The following LBP variants were observed in gnomAD, a reference collection of about 807,000 sequenced individuals.
LBP encodes lipopolysaccharide binding protein.
LBP carries 53 observed loss-of-function variants against 56.6 expected under a neutral mutation model. The observed-to-expected ratio is 0.94, with a 90% CI of 0.75 to 1.18. The LOEUF (loss-of-function observed/expected upper bound fraction) is 1.18, where lower values mean the gene tolerates loss of function less well. LBP is among the 50% of genes most tolerant of loss of function. The probability of loss-of-function intolerance (pLI) is 0.00; values close to 1 mark genes in which losing one functional copy is unlikely to be tolerated. For missense variants in LBP, 601 were observed against 598.3 expected (o/e 1.00, Z -0.05); for synonymous variants, 227 against 247.5 (o/e 0.92, Z 0.78).
intron 6 of LBP, among the ~76,000 whole-genome samples, chr20:38,361,548 G>T (rs1447326187): frequency 2.6e-5 from 4 of 151,786 alleles, no homozygotes. Context: ...GGGACTACAG[G>T]TGCATGCCAC....
At chr20:38,374,968 T>G (rs1283307545) in intron 14 of LBP, among the ~76,000 whole-genome samples, 2 of 128,798 alleles carry the variant, frequency 1.6e-5, no homozygotes, top group African/African-American at 5.9e-5. Flanking sequence ...TTTTTTTTTT[T>G]GTATTTTTGG....
chr20:38,369,266 G>T, intron 10 of LBP, 104 bp downstream of exon 10: 1 of 1,154,882 alleles, frequency 8.7e-7, no homozygotes, highest in Non-Finnish European at 1.2e-6. Context: ...AATTCCTCCA[G>T]GTCTCAACTT....
rs1158643744 is a variant in LBP at position 38,371,289 on chromosome 20, G to A, written c.1227G>A (p.Val409=). 1 of 1,610,876 alleles carries A rather than the reference G, an allele frequency of 6.2e-7. No individual in the cohort carries two copies. Among genetic ancestry groups the A allele is most frequent in the South Asian group, 1.1e-5 (1 of 90,820 alleles). Residue 409 remains valine (V), a synonymous_variant, in exon 12 of 15, where the codon GTG becomes GTA. Coordinates refer to ENST00000217407, the MANE Select transcript of LBP (RefSeq NM_004139.5). ...TGFLKPGKVK[V]ELKESKVGLF... The stretch of plus-strand genomic sequence containing the variant: ...CTCTGATTCATTACAGGGTAAAAGT[G>A]GAACTGAAAGAATCCAAAGTTGGAC...
intron 5 of LBP, among the ~76,000 whole-genome samples, chr20:38,357,249 C>T (rs748395084): frequency 2.6e-5 from 4 of 152,174 alleles, no homozygotes; most frequent in Non-Finnish European, 4.4e-5. Flanking sequence ...CCCAGTGTCA[C>T]CTTGCTGGTG....
intron 5 of LBP, among the ~76,000 whole-genome samples, chr20:38,359,452 C>T (rs928858105): frequency 6.6e-6 from 1 of 152,046 alleles, no homozygotes; most frequent in East Asian, 1.9e-4. Context: ...TGTGGTGGCA[C>T]ATGCCTGTAA....
At chr20:38,348,696 C>T (rs2076809394) in intron 1 of LBP, among the ~76,000 whole-genome samples, 1 of 152,150 alleles carries the variant, frequency 6.6e-6, no homozygotes, top group South Asian at 2.1e-4. Flanking sequence ...TGCTTGTTAT[C>T]CTCACAGCCC....
At chr20:38,362,972 C>T (rs190956843) in intron 6 of LBP, among the ~76,000 whole-genome samples, 3 of 152,208 alleles carry the variant, frequency 2.0e-5, no homozygotes, top group Admixed American at 2.0e-4. Context: ...TAAAATAAAA[C>T]ATGAGGTCCA....
intron 10 of LBP, among the ~76,000 whole-genome samples, chr20:38,369,894 G>A (rs1435876257): frequency 2.0e-5 from 3 of 152,134 alleles, no homozygotes; most frequent in Non-Finnish European, 4.4e-5. Context: ...GTCTAATAGG[G>A]AAGGGATGTT....
chr20:38,374,950 ATT>A (rs370110558), intron 14 of LBP, among the ~76,000 whole-genome samples: 1,376 of 127,118 alleles, frequency 0.011, 7 homozygotes, highest in Middle Eastern at 0.023. Context: ...CTCCCAGCTA[ATT>A]TTTTTTTTTT....
chr20:38,373,015 C>G, intron 12 of LBP, 57 bp from the exon 13 acceptor site: 2 of 1,482,252 alleles, frequency 1.3e-6, no homozygotes, highest in Non-Finnish European at 9.4e-7. Flanking sequence ...TTGGCACACA[C>G]AGAACCACCA....
At chr20:38,353,237 C>A (rs185156789) in intron 3 of LBP, among the ~76,000 whole-genome samples, 2 of 152,226 alleles carry the variant, frequency 1.3e-5, no homozygotes, top group East Asian at 3.9e-4. Flanking sequence ...AGTACATTCA[C>A]AATTTTGTGC....
Position 38,354,325 on chromosome 20 carries a change from G to T in LBP, c.410G>T (p.Ser137Ile). The change falls in exon 4 of 15, where the codon AGC becomes ATC. Residue 137 changes from serine to isoleucine, a missense_variant. Ser to Ile is a moderately radical substitution (Grantham distance 142, BLOSUM62 -2). Coordinates refer to ENST00000217407, the MANE Select transcript of LBP (RefSeq NM_004139.5). ...TTTGATGTCAGTGTCAAGGGCATCAGCATTTCGGTCAACCTCCTGTTGGGC... is the reference window on the plus strand; with the variant it reads ...TTTGATGTCAGTGTCAAGGGCATCATCATTTCGGTCAACCTCCTGTTGGGC... ...GSFDVSVKGI[S>I]ISVNLLLGSE... 6.2e-7 allele frequency: 1 copy of T among 1,613,858 alleles called. No individual in the cohort carries two copies. Among genetic ancestry groups the T allele is most frequent in the Non-Finnish European group, 8.5e-7 (1 of 1,179,942 alleles).
At chr20:38,351,003 G>A in intron 3 of LBP, 64 bp downstream of exon 3, 1 of 1,575,814 alleles carries the variant, frequency 6.3e-7, no homozygotes. Flanking sequence ...ATCCTTCTTA[G>A]GTCCAAGGTG....
chr20:38,346,600 C>T lies in LBP; in HGVS notation c.84C>T (p.Pro28=), dbSNP rs149360570. 72 of 1,613,584 alleles carry T rather than the reference C, an allele frequency of 4.5e-5. No individual in the cohort carries two copies. The highest frequency in any genetic ancestry group is 5.7e-5 in the Non-Finnish European group (67 of 1,180,010). ...TSTPEALGAN[P]GLVARITDKG... ...CCCCAGAGGCTCTGGGTGCCAACCC[C>T]GGCTTGGTCGCCAGGATCACCGACA... Residue 28 remains proline (P), a synonymous_variant, in exon 1 of 15, where the codon CCC becomes CCT. Coordinates refer to ENST00000217407, the MANE Select transcript of LBP (RefSeq NM_004139.5).
chr20:38,374,594 CAAA>C (rs562385988), intron 14 of LBP, among the ~76,000 whole-genome samples: 3 of 86,226 alleles, frequency 3.5e-5, no homozygotes, highest in Non-Finnish European at 2.4e-5. Flanking sequence ...AACACTCCGT[CAAA>C]AAAAAAAAAA....
chr20:38,369,237 C>T, intron 10 of LBP, 75 bp downstream of exon 10: 1 of 1,394,804 alleles, frequency 7.2e-7, no homozygotes, highest in Non-Finnish European at 9.8e-7. Context: ...ATGCTTTTCT[C>T]CCCACTCACC....
chr20:38,360,606 C>A (rs1568830954), intron 5 of LBP, 98 bp from the exon 6 acceptor site: 2 of 755,900 alleles, frequency 2.6e-6, no homozygotes, highest in African/African-American at 3.5e-5. Context: ...TCAGTGATCA[C>A]TGAGCACATG....
chr20:38,370,757 C>T lies in LBP; in HGVS notation c.1169C>T (p.Thr390Ile), dbSNP rs1171304378. The change falls in exon 11 of 15, where the codon ACC becomes ATC. Residue 390 changes from threonine to isoleucine, a missense_variant. Coordinates refer to ENST00000217407, the MANE Select transcript of LBP (RefSeq NM_004139.5). ...RLSVATNVSA[T>I]LTFNTSKITG... The stretch of plus-strand genomic sequence containing the variant: ...TTCCAGGCCACTAATGTGTCCGCCA[C>T]CTTGACCTTCAATACCAGCAAGATC... 3.7e-6 allele frequency: 6 copies of T among 1,614,136 alleles called. No individual in the cohort carries two copies. The highest frequency in any genetic ancestry group is 5.1e-6 in the Non-Finnish European group (6 of 1,180,008).
Position 38,364,081 on chromosome 20 carries a change from G to C in LBP, c.744+15G>C. 6.3e-7 allele frequency: 1 copy of C among 1,584,626 alleles called. No homozygotes were observed. The highest frequency in any genetic ancestry group is 2.2e-5 in the East Asian group (1 of 44,734). On this transcript the variant is annotated intron_variant, in intron 7 of 14. Transcript: ENST00000217407. ...TGATGTTTAAGGTGAGGGTCCTGGG[G>C]CCGGGCTGCGTGGGTGAGGCTTTCC...
Sources: gnomAD v4.1 joint callset for allele counts (sites outside exome capture counted in the v4.1 genomes callset) on GRCh38, gnomAD v4.1.1 for gene constraint, MANE v1.5 for transcripts, NCBI Gene and HGNC (gene_info 2026-07-23, HGNC 2026-07-21) for gene names.